Variants in RALGAPA1 observed in about 807,000 individuals in gnomAD.
RALGAPA1 encodes Ral GTPase activating protein catalytic subunit alpha 1, also known as ral GTPase-activating protein subunit alpha-1.
Under a neutral mutation model 269.6 loss-of-function variants are expected in RALGAPA1, and 52 were observed. The ratio of observed to expected loss-of-function variants is 0.19; its 90% confidence interval spans 0.15 to 0.24. The LOEUF is 0.24. Among genes scored for constraint, RALGAPA1 ranks in the 10% least tolerant of loss-of-function variants. The pLI, the probability that RALGAPA1 is intolerant of heterozygous loss-of-function variation, is 1.00. For synonymous variants in RALGAPA1, 817 were observed against 1,008.3 expected (o/e 0.81, Z 3.60); for missense variants, 1,917 against 3,013.9 (o/e 0.64, Z 8.52).
intron 1 of RALGAPA1, among the ~76,000 whole-genome samples, chr14:35,786,274 A>G (rs2075787804): frequency 6.6e-6 from 1 of 152,176 alleles, no homozygotes; most frequent in Non-Finnish European, 1.5e-5. Flanking sequence ...TCACCAGTAA[A>G]ACAGGGTTTT....
chr14:35,697,084 T>G (rs2066961428), intron 17 of RALGAPA1, among the ~76,000 whole-genome samples: 1 of 141,434 alleles, frequency 7.1e-6, no homozygotes, highest in Non-Finnish European at 1.6e-5. Flanking sequence ...TCTTCCACTC[T>G]CCTTCGCTCT....
intron 35 of RALGAPA1, among the ~76,000 whole-genome samples, chr14:35,615,833 T>C (rs191236102): frequency 1.9e-3 from 294 of 152,216 alleles, no homozygotes; most frequent in Non-Finnish European, 3.6e-3. Context: ...ATGGCTGGTA[T>C]GGGTTGAGCT....
At chr14:35,773,296 T>G (rs2141530789) in intron 3 of RALGAPA1, among the ~76,000 whole-genome samples, 1 of 152,268 alleles carries the variant, frequency 6.6e-6, no homozygotes, top group South Asian at 2.1e-4. Flanking sequence ...TCATTTTATT[T>G]CTGATTTCTT....
intron 35 of RALGAPA1, among the ~76,000 whole-genome samples, chr14:35,618,884 T>C (rs2060426165): frequency 6.6e-6 from 1 of 152,084 alleles, no homozygotes; most frequent in South Asian, 2.1e-4. Context: ...TCAGAATAAA[T>C]GAAAACATAC....
intron 4 of RALGAPA1, chr14:35,766,133 T>G: frequency 1.1e-6 from 1 of 949,006 alleles, no homozygotes; most frequent in Non-Finnish European, 1.7e-6. Context: ...CCAGAAATCC[T>G]GCTGCCTACT....
At chr14:35,716,009 C>G (rs2068786831) in intron 16 of RALGAPA1, 1 of 985,154 alleles carries the variant, frequency 1.0e-6, no homozygotes, top group African/African-American at 1.7e-5. Context: ...ATCAAGTTCA[C>G]TATGTTGCTG....
chr14:35,803,982 T>A (rs1413150573), intron 1 of RALGAPA1, among the ~76,000 whole-genome samples: 1 of 151,880 alleles, frequency 6.6e-6, no homozygotes, highest in South Asian at 2.1e-4. Flanking sequence ...TGTAAAAGAT[T>A]TAAACACAAA....
At chr14:35,792,621 A>T (rs2076255077) in intron 1 of RALGAPA1, among the ~76,000 whole-genome samples, 1 of 151,862 alleles carries the variant, frequency 6.6e-6, no homozygotes, top group Non-Finnish European at 1.5e-5. Flanking sequence ...CATCTCTATT[A>T]AAAATACCAA....
chr14:35,805,690 T>C (rs1258238521), intron 1 of RALGAPA1, among the ~76,000 whole-genome samples: 1 of 150,168 alleles, frequency 6.7e-6, no homozygotes, highest in African/African-American at 2.4e-5. Flanking sequence ...TTTCTTTTTT[T>C]TTTTTTTTTC....
intron 4 of RALGAPA1, 59 bp from the exon 5 acceptor site, chr14:35,762,812 T>C: frequency 9.4e-7 from 1 of 1,064,710 alleles, no homozygotes. Flanking sequence ...ATGTCAGAGT[T>C]CTCGGTCGGA....
chr14:35,621,612 C>A (rs2060633659), intron 35 of RALGAPA1, among the ~76,000 whole-genome samples: 1 of 152,092 alleles, frequency 6.6e-6, no homozygotes, highest in Non-Finnish European at 1.5e-5. Context: ...GCAATCTACC[C>A]TTCTGACAAA....
intron 12 of RALGAPA1, among the ~76,000 whole-genome samples, chr14:35,735,444 T>C (rs1386573745): frequency 3.3e-5 from 5 of 152,110 alleles, no homozygotes; most frequent in African/African-American, 1.2e-4. Context: ...TTATTCTAAG[T>C]GAAGTAACTC....
At position 35,539,134 on chromosome 14, in the gene RALGAPA1, T is replaced by G. The variant is rs1385654498; in HGVS notation, c.*580A>C. On this transcript the variant is annotated 3_prime_UTR_variant, in exon 42 of 42. Transcript: ENST00000680220. ...ACTTTACAAATGCTTAAATGTAAAA[T>G]TTTACATTTGTAAAAAATTATATAT... The G allele has an allele frequency of 6.6e-6, 1 of 152,650 alleles. No individual in the cohort carries two copies. The highest frequency in any genetic ancestry group is 2.4e-5 in the African/African-American group (1 of 41,308). The allele number at this position is 152,650 out of a possible 1,614,324, so 9.5% of individuals were successfully genotyped here.
chr14:35,586,019 T>C (rs1165459644), intron 37 of RALGAPA1, among the ~76,000 whole-genome samples: 3 of 152,220 alleles, frequency 2.0e-5, no homozygotes, highest in Non-Finnish European at 4.4e-5. Context: ...GGGGATGGCA[T>C]TGAATCTATA....
chr14:35,588,168 T>A (rs187567244), intron 37 of RALGAPA1, among the ~76,000 whole-genome samples: 2 of 152,246 alleles, frequency 1.3e-5, no homozygotes, highest in East Asian at 3.9e-4. Flanking sequence ...TGACCTCACG[T>A]TCCGCCCGCC....
intron 30 of RALGAPA1, among the ~76,000 whole-genome samples, 174 bp from the exon 31 acceptor site, chr14:35,652,047 T>C (rs1434604983): frequency 6.6e-6 from 1 of 152,204 alleles, no homozygotes; most frequent in Non-Finnish European, 1.5e-5. Context: ...TTTTCAAGTA[T>C]AGTTAACTAT....
chr14:35,688,678 C>T lies in RALGAPA1; in HGVS notation c.3733G>A (p.Ala1245Thr), dbSNP rs2066193440. ...CTACGACTACCTAATTGACTACTTG[C>T]AATTCCTTCTTTTTGTAATATGGTG... ...PTTILQKEGI[A>T]SSQLGSRSTL... is the part of the protein sequence containing the mutation. The change falls in exon 18 of 42, where the codon GCA becomes ACA. Residue 1245 changes from alanine (A) to threonine (T), a missense_variant. Physicochemically the swap from Ala to Thr is moderately conservative, Grantham distance 58. This residue lies in a region of RALGAPA1 where 615 missense variants were observed against 790.0 expected (regional missense o/e 0.78). Transcript: ENST00000680220. 1 of 1,488,932 alleles carries T rather than the reference C, an allele frequency of 6.7e-7. No individual in the cohort carries two copies. Among genetic ancestry groups the T allele is most frequent in the South Asian group, 1.3e-5 (1 of 75,266 alleles). The allele number at this position is 1,488,932 out of a possible 1,614,324, so 92.2% of individuals were successfully genotyped here.
chr14:35,722,475 T>A (rs1156759012), intron 15 of RALGAPA1, among the ~76,000 whole-genome samples: 1 of 152,056 alleles, frequency 6.6e-6, no homozygotes, highest in Non-Finnish European at 1.5e-5. Flanking sequence ...AAAATTTAGC[T>A]GAGCATGGTG....
intron 17 of RALGAPA1, among the ~76,000 whole-genome samples, chr14:35,698,601 G>A (rs1016316269): frequency 1.3e-5 from 2 of 152,026 alleles, no homozygotes; most frequent in African/African-American, 4.8e-5. Context: ...AATAATGGAA[G>A]TGTTCAAAGC....
Sources: gnomAD v4.1 joint callset for allele counts (sites outside exome capture counted in the v4.1 genomes callset) on GRCh38, gnomAD v4.1.1 for gene constraint, gnomAD v4.1.1 regional missense constraint, MANE v1.5 for transcripts, NCBI Gene and HGNC (gene_info 2026-07-23, HGNC 2026-07-21) for gene names.